Variants in RNF4 observed in about 807,000 individuals in gnomAD.
The protein encoded by RNF4 is E3 ubiquitin-protein ligase RNF4.
RNF4 carries 7 observed loss-of-function variants against 24.3 expected under a neutral mutation model. The observed-to-expected ratio is 0.29, with a 90% CI of 0.16 to 0.54. The LOEUF (loss-of-function observed/expected upper bound fraction) is 0.54, where lower values mean the gene tolerates loss of function less well. Ranked by LOEUF, RNF4 falls within the 20% of genes least tolerant of loss-of-function variation. The pLI, the probability that RNF4 is intolerant of heterozygous loss-of-function variation, is 0.95. For synonymous variants in RNF4, 83 were observed against 84.3 expected, an observed-to-expected ratio of 0.98 and a Z score of 0.09; for missense variants, 209 against 248.5, an observed-to-expected ratio of 0.84 and a Z score of 1.07.
chr4:2,487,871 G>A (rs1447233081), intron 1 of RNF4, among the ~76,000 whole-genome samples: 1 of 152,190 alleles, frequency 6.6e-6, no homozygotes, highest in Non-Finnish European at 1.5e-5. Flanking sequence ...CGCTCAGGGA[G>A]TGAGATACAG....
chr4:2,479,627 G>GT (rs1735188798), intron 1 of RNF4, among the ~76,000 whole-genome samples: 1 of 152,144 alleles, frequency 6.6e-6, no homozygotes, highest in South Asian at 2.1e-4. Context: ...CACCTTGATT[G>GT]TGAGGCTTCC....
In RNF4 at chr4:2,469,161, G is replaced by A. The variant is rs961638846; in HGVS notation, c.-255G>A. 1.3e-5 allele frequency: 2 copies of A among 152,408 alleles called. No individual in the cohort carries two copies. The highest frequency in any genetic ancestry group is 1.9e-4 in the East Asian group (1 of 5,174). 9.4% of individuals were successfully genotyped at this position (152,408 alleles called of 1,614,324 possible). On this transcript the variant is annotated 5_prime_UTR_variant, in exon 1 of 8. Transcript: ENST00000314289. ...CATCTTTCTCGAGGAGCTCTCCTGGGCGGCTGAAGAAGGAGCTTCTTCTCC... is the reference window on the plus strand; with the variant it reads ...CATCTTTCTCGAGGAGCTCTCCTGGACGGCTGAAGAAGGAGCTTCTTCTCC...
intron 4 of RNF4, among the ~76,000 whole-genome samples, chr4:2,504,754 G>A (rs1473782476): frequency 8.2e-6 from 1 of 121,412 alleles, no homozygotes; most frequent in Admixed American, 9.0e-5. Context: ...TTTTGAGACA[G>A]AGTCTCACTC....
chr4:2,507,992 T>C (rs972839435), intron 4 of RNF4, among the ~76,000 whole-genome samples: 9 of 152,142 alleles, frequency 5.9e-5, no homozygotes, highest in Non-Finnish European at 1.0e-4. Context: ...GTACTGGGAC[T>C]ACAGGTACAC....
intron 1 of RNF4, among the ~76,000 whole-genome samples, chr4:2,472,806 C>CT (rs1350184299): frequency 2.0e-5 from 3 of 151,904 alleles, no homozygotes; most frequent in Non-Finnish European, 4.4e-5. Context: ...CTTTGGGAGG[C>CT]GAAGTGGGCG....
At chr4:2,474,439 A>G (rs1252723812) in intron 1 of RNF4, among the ~76,000 whole-genome samples, 1 of 152,056 alleles carries the variant, frequency 6.6e-6, no homozygotes, top group Non-Finnish European at 1.5e-5. Flanking sequence ...TGCAATTTTT[A>G]AATAAAACTT....
Position 2,469,160 on chromosome 4 carries a change from G to A in RNF4, c.-256G>A, listed in dbSNP as rs1405042776. 6.6e-6 allele frequency: 1 copy of A among 152,278 alleles called. No individual in the cohort carries two copies. Among genetic ancestry groups the A allele is most frequent in the Non-Finnish European group, 1.5e-5 (1 of 68,100 alleles). 9.4% of individuals were successfully genotyped at this position (152,278 alleles called of 1,614,324 possible). On this transcript the variant is annotated 5_prime_UTR_variant, in exon 1 of 8. Transcript: ENST00000314289. ...GCATCTTTCTCGAGGAGCTCTCCTGGGCGGCTGAAGAAGGAGCTTCTTCTC... is the reference window on the plus strand; with the variant it reads ...GCATCTTTCTCGAGGAGCTCTCCTGAGCGGCTGAAGAAGGAGCTTCTTCTC...
At chr4:2,505,343 T>G (rs1421606455) in intron 4 of RNF4, 1 of 151,460 alleles carries the variant, frequency 6.6e-6, no homozygotes, top group African/African-American at 2.4e-5. Flanking sequence ...TTTTTTTTTT[T>G]GAGATGGAGT....
chr4:2,479,411 C>G (rs928417322), intron 1 of RNF4, among the ~76,000 whole-genome samples: 2 of 152,036 alleles, frequency 1.3e-5, no homozygotes, highest in Non-Finnish European at 2.9e-5. Flanking sequence ...GGCTGTGTCC[C>G]CCACCCAGAT....
At chr4:2,489,209 T>C (rs1735505522) in intron 1 of RNF4, among the ~76,000 whole-genome samples, 1 of 152,082 alleles carries the variant, frequency 6.6e-6, no homozygotes, top group Non-Finnish European at 1.5e-5. Flanking sequence ...AGTTAGGCCT[T>C]GATAAGGAGC....
At chr4:2,504,524 TTTTATTTATTTA>T (rs148529651) in intron 4 of RNF4, among the ~76,000 whole-genome samples, 1,526 of 140,858 alleles carry the variant, frequency 0.011, 40 homozygotes, top group East Asian at 0.096. Flanking sequence ...GTTTTATAGC[TTTTATTTATTTA>T]TTTATTTATT....
intron 4 of RNF4, among the ~76,000 whole-genome samples, chr4:2,507,675 G>T (rs1736142169): frequency 6.6e-6 from 1 of 152,104 alleles, no homozygotes; most frequent in Admixed American, 6.6e-5. Flanking sequence ...CTTTCATGCA[G>T]AGGTGTTCTG....
chr4:2,488,418 A>G (rs1162913958), intron 1 of RNF4, among the ~76,000 whole-genome samples: 1 of 152,132 alleles, frequency 6.6e-6, no homozygotes, highest in Non-Finnish European at 1.5e-5. Context: ...AGCCCACTGC[A>G]CTCCAGTCTG....
intron 1 of RNF4, among the ~76,000 whole-genome samples, chr4:2,475,082 C>G (rs1446650746): frequency 6.6e-6 from 1 of 152,194 alleles, no homozygotes; most frequent in East Asian, 1.9e-4. Context: ...TAGCCACTGC[C>G]CTGATCCATG....
chr4:2,507,020 T>G (rs978406285), intron 4 of RNF4, among the ~76,000 whole-genome samples: 1 of 152,230 alleles, frequency 6.6e-6, no homozygotes, highest in Non-Finnish European at 1.5e-5. Context: ...GCTGTTTTTC[T>G]TAAATTTCCA....
chr4:2,471,159 G>C (rs1658391416), intron 1 of RNF4: 1 of 152,074 alleles, frequency 6.6e-6, no homozygotes, highest in Admixed American at 6.6e-5. Flanking sequence ...TGGAGACGGG[G>C]TTTCACCATA....
At chr4:2,487,595 A>AT (rs572025041) in intron 1 of RNF4, among the ~76,000 whole-genome samples, 3 of 151,966 alleles carry the variant, frequency 2.0e-5, no homozygotes, top group Non-Finnish European at 2.9e-5. Context: ...CATTATTTTA[A>AT]TTTTTTTATA....
chr4:2,502,903 A>G (rs1327982834), intron 4 of RNF4, among the ~76,000 whole-genome samples: 1 of 150,426 alleles, frequency 6.6e-6, no homozygotes, highest in African/African-American at 2.4e-5. Flanking sequence ...CAGGCTAGAG[A>G]GCAGTGGCAT....
In RNF4 at chr4:2,512,698, G is replaced by T. The variant is rs1380400061; in HGVS notation, c.374+101G>T. 7.3e-7 allele frequency: 1 copy of T among 1,375,326 alleles called. No homozygotes were observed. The highest frequency in any genetic ancestry group is 2.4e-5 in the East Asian group (1 of 41,380). 85.2% of individuals were successfully genotyped at this position (1,375,326 alleles called of 1,614,324 possible). A position where few individuals can be genotyped will look rare whatever the true frequency, so the allele number is the denominator to read the frequency against. ...TCTGTGAGCCCTTGGCCCTGGAAGG[G>T]CTTGCCCAAGCCTCTACCCAGCATC... is the stretch of plus-strand genomic sequence containing the variant. On this transcript the variant is annotated intron_variant, in intron 6 of 7. Coordinates refer to ENST00000314289, the MANE Select transcript of RNF4 (RefSeq NM_002938.5). This position sits in a 1 kb window ranked among gnomAD's most constrained non-coding sequence, Gnocchi z 4.1.
Sources: allele counts gnomAD v4.1 joint callset (sites outside exome capture counted in the v4.1 genomes callset), GRCh38; gene constraint gnomAD v4.1.1; non-coding constraint Gnocchi (gnomAD v3.1); transcripts MANE v1.5; gene names NCBI Gene and HGNC (gene_info 2026-07-23, HGNC 2026-07-21).